Variants in SHANK2 observed in about 807,000 individuals in gnomAD.
SHANK2 encodes SH3 and multiple ankyrin repeat domains protein 2.
In SHANK2, 43 loss-of-function variants were observed where a neutral mutation model predicts 133.7. The ratio of observed to expected loss-of-function variants is 0.32; its 90% CI spans 0.25 to 0.41. The LOEUF (loss-of-function observed/expected upper bound fraction) is 0.41. Ranked by LOEUF, SHANK2 falls within the 10% of genes least tolerant of loss-of-function variation. The pLI is 1.00. For synonymous variants in SHANK2, 1,017 were observed against 952.8 expected, an observed-to-expected ratio of 1.07 and a Z score of -1.24; for missense variants, 1,994 against 2,235.8, an observed-to-expected ratio of 0.89 and a Z score of 2.18.
At chr11:70,776,758 C>A (rs1947372244) in intron 14 of SHANK2, among the ~76,000 whole-genome samples, 1 of 151,414 alleles carries the variant, frequency 6.6e-6, no homozygotes, top group Non-Finnish European at 1.5e-5. Flanking sequence ...ATTTATCCAT[C>A]TACTCACCCA....
chr11:71,134,620 A>C (rs530199995), intron 3 of SHANK2, among the ~76,000 whole-genome samples: 1 of 152,028 alleles, frequency 6.6e-6, no homozygotes, highest in Non-Finnish European at 1.5e-5. Context: ...TTGTATCTTT[A>C]GTAGAGATGG....
At chr11:70,499,469 A>G (rs2059019262) in intron 21 of SHANK2, among the ~76,000 whole-genome samples, 1 of 152,194 alleles carries the variant, frequency 6.6e-6, no homozygotes, top group Non-Finnish European at 1.5e-5. Context: ...TGAGTCCCGA[A>G]CTGTTCTCCC....
At chr11:70,811,521 C>T (rs1270623985) in intron 12 of SHANK2, among the ~76,000 whole-genome samples, 4 of 152,058 alleles carry the variant, frequency 2.6e-5, no homozygotes, top group African/African-American at 9.7e-5. Context: ...GTTCTTCCAT[C>T]CATCCACCCA....
intron 14 of SHANK2, among the ~76,000 whole-genome samples, chr11:70,727,273 G>A (rs782820039): frequency 1.3e-5 from 2 of 152,238 alleles, no homozygotes; most frequent in Non-Finnish European, 2.9e-5. Context: ...CAAGGTAGCC[G>A]GGGTGGAAGT....
At chr11:70,950,410 C>T (rs1254762494) in intron 10 of SHANK2, among the ~76,000 whole-genome samples, 1 of 152,132 alleles carries the variant, frequency 6.6e-6, no homozygotes, top group East Asian at 1.9e-4. Context: ...AGGCTGGTCT[C>T]GAACTCCTGA....
chr11:71,108,980 A>G (rs2135212028), intron 6 of SHANK2, among the ~76,000 whole-genome samples: 1 of 152,286 alleles, frequency 6.6e-6, no homozygotes, highest in South Asian at 2.1e-4. Context: ...CCCACAAATG[A>G]TGAGAAAGTG....
intron 1 of SHANK2, among the ~76,000 whole-genome samples, chr11:71,241,920 T>C (rs1313554522): frequency 6.6e-6 from 1 of 152,190 alleles, no homozygotes; most frequent in African/African-American, 2.4e-5. Flanking sequence ...AAGCAAGGAC[T>C]CAAGATACTT....
rs782252815 is a variant in SHANK2 at position 70,485,690 on chromosome 11, C to T, written c.4603G>A (p.Asp1535Asn). The T allele has an allele frequency of 3.1e-6, 5 of 1,614,110 alleles. No individual in the cohort carries two copies. The highest frequency in any genetic ancestry group is 4.2e-6 in the Non-Finnish European group (5 of 1,180,036). ...TTGTCAACCATAAATGCTTGCCCAT[C>T]TGCATAGACTGTGCAGGTGTCCACA... ...ENVDTCTVYA[D>N]GQAFMVDKPP... The change falls in exon 25 of 26, where the codon GAT becomes AAT. Residue 1535 changes from aspartate (D) to asparagine (N), a missense_variant. Asp to Asn is a conservative substitution (Grantham distance 23). Coordinates refer to ENST00000601538, the MANE Select transcript of SHANK2 (RefSeq NM_012309.5). The surrounding 1 kb of genome is among the most constrained non-coding windows in gnomAD (Gnocchi z 5.8).
At chr11:71,212,649 C>T (rs895556989) in intron 2 of SHANK2, among the ~76,000 whole-genome samples, 2 of 151,656 alleles carry the variant, frequency 1.3e-5, no homozygotes, top group Admixed American at 1.3e-4. Flanking sequence ...TAGAAATGAG[C>T]ATGCTGAACA....
intron 15 of SHANK2, among the ~76,000 whole-genome samples, chr11:70,689,278 G>GA (rs1240364118): frequency 3.9e-5 from 6 of 152,128 alleles, no homozygotes; most frequent in Non-Finnish European, 7.4e-5. Context: ...AGAAGGCAAA[G>GA]AAAAAAATCT....
At chr11:70,803,949 C>A (rs1226819740) in intron 13 of SHANK2, among the ~76,000 whole-genome samples, 10 of 152,112 alleles carry the variant, frequency 6.6e-5, no homozygotes. Context: ...CTGGGAACGT[C>A]AACCCCTTCC....
intron 10 of SHANK2, among the ~76,000 whole-genome samples, chr11:70,909,019 C>T (rs1455742312): frequency 1.3e-5 from 2 of 152,144 alleles, no homozygotes; most frequent in African/African-American, 2.4e-5. Context: ...GAATAAAAAC[C>T]TCGAAAAACA....
At chr11:70,650,758 C>T (rs1229714880) in intron 17 of SHANK2, among the ~76,000 whole-genome samples, 1 of 152,214 alleles carries the variant, frequency 6.6e-6, no homozygotes, top group Non-Finnish European at 1.5e-5. Flanking sequence ...GGAGCCAACA[C>T]CATCTTTCAT....
intron 15 of SHANK2, among the ~76,000 whole-genome samples, chr11:70,681,629 C>T (rs999682216): frequency 1.3e-5 from 2 of 152,114 alleles, no homozygotes; most frequent in South Asian, 2.1e-4. Flanking sequence ...CCAGCTCATT[C>T]GCATGAAGGG....
intron 2 of SHANK2, among the ~76,000 whole-genome samples, chr11:71,168,324 G>A (rs1223924942): frequency 2.9e-5 from 4 of 137,480 alleles, no homozygotes; most frequent in African/African-American, 5.8e-5. Context: ...GGGCAGAGAC[G>A]CTCCTCACTT....
At chr11:70,656,797 G>GT (rs1249149097) in intron 17 of SHANK2, among the ~76,000 whole-genome samples, 1 of 152,210 alleles carries the variant, frequency 6.6e-6, no homozygotes, top group Non-Finnish European at 1.5e-5. Context: ...CAAAGCCTTT[G>GT]ATTGTGGTTG....
chr11:70,795,809 C>A (rs113648781), intron 14 of SHANK2, among the ~76,000 whole-genome samples: 1 of 152,040 alleles, frequency 6.6e-6, no homozygotes, highest in East Asian at 1.9e-4. Flanking sequence ...GCTTTGGAGA[C>A]GGAGGAAGGG....
intron 3 of SHANK2, among the ~76,000 whole-genome samples, chr11:71,122,018 A>T (rs1952091706): frequency 6.6e-6 from 1 of 152,254 alleles, no homozygotes; most frequent in African/African-American, 2.4e-5. Flanking sequence ...GAGGATGTGG[A>T]GAAATAGGAA....
intron 8 of SHANK2, among the ~76,000 whole-genome samples, chr11:71,076,004 C>T (rs1209805959): frequency 2.0e-5 from 3 of 152,338 alleles, no homozygotes; most frequent in East Asian, 3.9e-4. Flanking sequence ...ACCCTTAACC[C>T]TCACAGGGTT....
Sources: allele counts gnomAD v4.1 joint callset (sites outside exome capture counted in the v4.1 genomes callset), GRCh38; gene constraint gnomAD v4.1.1; non-coding constraint Gnocchi (gnomAD v3.1); transcripts MANE v1.5; gene names NCBI Gene and HGNC (gene_info 2026-07-23, HGNC 2026-07-21).